Variants in MLLT10 observed in about 807,000 individuals in gnomAD.
MLLT10 encodes protein AF-10.
In MLLT10, 30 loss-of-function variants were observed where a neutral mutation model predicts 129.1. The ratio of observed to expected loss-of-function variants is 0.23; its 90% CI spans 0.17 to 0.32. The LOEUF is 0.32. Among genes scored for constraint, MLLT10 ranks in the 10% least tolerant of loss-of-function variants. The probability of loss-of-function intolerance (pLI) is 1.00; values close to 1 mark genes in which losing one functional copy is unlikely to be tolerated. For synonymous variants in MLLT10, 490 were observed against 446.4 expected (o/e 1.10, Z -1.23); for missense variants, 1,119 against 1,268.3 (o/e 0.88, Z 1.79).
chr10:21,556,751 G>C (rs767100264), intron 3 of MLLT10: 15 of 1,609,092 alleles, frequency 9.3e-6, no homozygotes, highest in Admixed American at 6.7e-5. Context: ...GGTGTCTAAC[G>C]TTCCTCCAGT....
At chr10:21,739,593 G>A (rs974843375) in intron 21 of MLLT10, among the ~76,000 whole-genome samples, 2 of 152,164 alleles carry the variant, frequency 1.3e-5, no homozygotes, top group Non-Finnish European at 2.9e-5. Flanking sequence ...AAGCACTCAG[G>A]AAATCTATAA....
At chr10:21,695,947 T>TG (rs1355588181) in intron 13 of MLLT10, among the ~76,000 whole-genome samples, 2 of 149,270 alleles carry the variant, frequency 1.3e-5, no homozygotes, top group East Asian at 2.0e-4. Flanking sequence ...TTTTTGTGTG[T>TG]GGGTTTTTTT....
intron 17 of MLLT10, among the ~76,000 whole-genome samples, chr10:21,732,307 C>T (rs2131576835): frequency 6.6e-6 from 1 of 152,318 alleles, no homozygotes; most frequent in East Asian, 1.9e-4. Context: ...AGCCTGTTTA[C>T]AGGGGATGCG....
At chr10:21,631,920 GT>G (rs1170301666) in intron 8 of MLLT10, among the ~76,000 whole-genome samples, 6 of 125,362 alleles carry the variant, frequency 4.8e-5, no homozygotes, top group Admixed American at 8.3e-5. Context: ...AACTTGAAGA[GT>G]TTTTTTTTTG....
chr10:21,713,637 A>T (rs530573743), intron 13 of MLLT10, 135 bp from the exon 14 acceptor site: 1 of 721,684 alleles, frequency 1.4e-6, no homozygotes. Context: ...TACTAGCACA[A>T]TATTTTTTAA....
chr10:21,584,045 A>G (rs2041740438), intron 3 of MLLT10, among the ~76,000 whole-genome samples: 1 of 150,930 alleles, frequency 6.6e-6, no homozygotes, highest in Middle Eastern at 3.4e-3. Flanking sequence ...AATTTTTTGT[A>G]TTTTTAATAG....
At chr10:21,612,099 C>T (rs989026607) in intron 5 of MLLT10, among the ~76,000 whole-genome samples, 3 of 152,100 alleles carry the variant, frequency 2.0e-5, no homozygotes, top group Non-Finnish European at 4.4e-5. Context: ...TCCTGTCTTG[C>T]AAAGTTTGTG....
At chr10:21,717,532 C>A (rs1490780310) in intron 14 of MLLT10, among the ~76,000 whole-genome samples, 1 of 130,772 alleles carries the variant, frequency 7.6e-6, no homozygotes, top group Non-Finnish European at 1.6e-5. Context: ...TCCTCCTCCT[C>A]CTCCTCCTCC....
At chr10:21,701,164 A>T (rs1264092805) in intron 13 of MLLT10, among the ~76,000 whole-genome samples, 4 of 151,436 alleles carry the variant, frequency 2.6e-5, no homozygotes, top group Non-Finnish European at 5.9e-5. Flanking sequence ...ATCAGTTGTA[A>T]TGTCTCCTTT....
At chr10:21,589,980 C>T (rs2042345903) in intron 4 of MLLT10, among the ~76,000 whole-genome samples, 1 of 151,898 alleles carries the variant, frequency 6.6e-6, no homozygotes, top group African/African-American at 2.4e-5. Flanking sequence ...GTTGCCCAGG[C>T]TAGAGTGCAG....
In MLLT10 at chr10:21,733,201, A is replaced by G; in HGVS notation, c.2407+114A>G. Reference sequence around the variant, plus strand: ...TATATGAAGATGTAGAAAAGGAACTATAGGTTGTTTTTGAAGGGCATAAAG... The same window carrying G: ...TATATGAAGATGTAGAAAAGGAACTGTAGGTTGTTTTTGAAGGGCATAAAG... On this transcript the variant is annotated intron_variant, in intron 18 of 22. Transcript: ENST00000307729. The G allele has an allele frequency of 7.2e-6, 8 of 1,103,568 alleles. No individual in the cohort carries two copies. In the South Asian group the frequency reaches 7.6e-5, roughly 10 times the overall value. 68.4% of individuals were successfully genotyped at this position (1,103,568 alleles called of 1,614,324 possible). A position where few individuals can be genotyped will look rare whatever the true frequency, so the allele number is the denominator to read the frequency against.
chr10:21,723,502 C>T (rs749727839), intron 14 of MLLT10, among the ~76,000 whole-genome samples: 4 of 152,238 alleles, frequency 2.6e-5, no homozygotes, highest in Non-Finnish European at 2.9e-5. Context: ...ACTGCATGAA[C>T]GAGAGTCAAA....
chr10:21,642,341 A>T (rs2048089078), intron 8 of MLLT10, among the ~76,000 whole-genome samples: 1 of 146,768 alleles, frequency 6.8e-6, no homozygotes, highest in Non-Finnish European at 1.5e-5. Flanking sequence ...AACAAGAGCG[A>T]AACTCCGTTT....
chr10:21,651,796 T>G, intron 9 of MLLT10, 28 bp downstream of exon 9: 1 of 1,506,378 alleles, frequency 6.6e-7, no homozygotes. Flanking sequence ...TATTTTGTTT[T>G]ATGTAATAAG....
intron 14 of MLLT10, among the ~76,000 whole-genome samples, chr10:21,716,401 C>T (rs1564706639): frequency 1.3e-5 from 2 of 152,036 alleles, no homozygotes; most frequent in Admixed American, 1.3e-4. Flanking sequence ...ATATTTAAAA[C>T]GTAATTCTAG....
intron 13 of MLLT10, among the ~76,000 whole-genome samples, chr10:21,686,503 C>T (rs1394366839): frequency 6.6e-6 from 1 of 151,974 alleles, no homozygotes; most frequent in African/African-American, 2.4e-5. Flanking sequence ...AGGTGTTTTC[C>T]TAAAGTACTT....
At chr10:21,538,588 T>G (rs1327550149) in intron 2 of MLLT10, among the ~76,000 whole-genome samples, 1 of 152,126 alleles carries the variant, frequency 6.6e-6, no homozygotes, top group Non-Finnish European at 1.5e-5. Context: ...ATTACAGGCA[T>G]GAACCATTGC....
At chr10:21,662,514 A>G (rs1222830546) in intron 9 of MLLT10, among the ~76,000 whole-genome samples, 1 of 152,148 alleles carries the variant, frequency 6.6e-6, no homozygotes, top group Non-Finnish European at 1.5e-5. Context: ...TGATTCCATC[A>G]AAGACATTCT....
intron 3 of MLLT10, among the ~76,000 whole-genome samples, chr10:21,545,688 A>T (rs913003660): frequency 1.3e-5 from 2 of 152,350 alleles, no homozygotes; most frequent in East Asian, 3.9e-4. Context: ...ATGTATTTAG[A>T]GACAGGGTCT....
Sources: gnomAD v4.1 joint callset for allele counts (sites outside exome capture counted in the v4.1 genomes callset) on GRCh38, gnomAD v4.1.1 for gene constraint, MANE v1.5 for transcripts, NCBI Gene and HGNC (gene_info 2026-07-23, HGNC 2026-07-21) for gene names.